The following UGT1A9 variants were observed in gnomAD, a reference collection of about 807,000 sequenced individuals.
UGT1A9 encodes UDP glucuronosyltransferase family 1 member A9, also known as UDP-glucuronosyltransferase 1A9.
UGT1A9 carries 35 observed loss-of-function variants against 45.0 expected under a neutral mutation model. The observed-to-expected ratio is 0.78, with a 90% CI of 0.59 to 1.03. UGT1A9 has a LOEUF of 1.03. UGT1A9 is among the 50% of genes least tolerant of loss of function. The pLI, the probability that UGT1A9 is intolerant of heterozygous loss-of-function variation, is 0.00. For synonymous variants in UGT1A9, 278 were observed against 250.6 expected, an observed-to-expected ratio of 1.11 and a Z score of -1.03; for missense variants, 687 against 666.6, an observed-to-expected ratio of 1.03 and a Z score of -0.34.
chr2:233,741,958 T>C (rs4663965), intron 1 of UGT1A9: 83,397 of 151,744 alleles, frequency 0.55, 25,208 homozygotes, highest in African/African-American at 0.8. Flanking sequence ...GGTACTTTCT[T>C]GTTGTGTTTA....
intron 1 of UGT1A9, among the ~76,000 whole-genome samples, chr2:233,707,717 A>G (rs1575486926): frequency 6.6e-6 from 1 of 152,192 alleles, no homozygotes; most frequent in Non-Finnish European, 1.5e-5. Context: ...ACTACTGTGA[A>G]CAATGTTACA....
rs977072941 is a variant in UGT1A9, at chr2:233,679,319, A to T, written c.855+6530A>T. 3.9e-5 allele frequency among the ~76,000 whole-genome samples: 6 copies of T among 152,242 alleles called. No homozygotes were observed. The East Asian group carries it at 1.2e-3, about 29-fold the overall frequency. On this transcript the variant is annotated intron_variant, in intron 1 of 4. Coordinates refer to ENST00000354728, the MANE Select transcript of UGT1A9 (RefSeq NM_021027.3). Reference sequence around the variant, plus strand: ...AAGCCTTGATGGAACCAATCCAGAAAACGCGTTCTTATTGTTGAGTCCTTC... The same window carrying T: ...AAGCCTTGATGGAACCAATCCAGAATACGCGTTCTTATTGTTGAGTCCTTC...
intron 1 of UGT1A9, chr2:233,754,508 T>C (rs1695500116): frequency 2.8e-6 from 1 of 361,410 alleles, no homozygotes; most frequent in East Asian, 7.3e-5. Flanking sequence ...CCGCTATTCC[T>C]CCAGATGTGC....
At chr2:233,698,746 T>C (rs1160364349) in intron 1 of UGT1A9, among the ~76,000 whole-genome samples, 1 of 152,368 alleles carries the variant, frequency 6.6e-6, no homozygotes, top group Non-Finnish European at 1.5e-5. Context: ...ATTTTTTACA[T>C]AATGCTATGA....
At chr2:233,698,293 T>A (rs1294389831) in intron 1 of UGT1A9, among the ~76,000 whole-genome samples, 2 of 152,252 alleles carry the variant, frequency 1.3e-5, no homozygotes, top group Non-Finnish European at 2.9e-5. Context: ...AAAAAAAATG[T>A]GTCTTTGGAC....
At chr2:233,747,507 C>G in intron 1 of UGT1A9, 1 of 1,608,136 alleles carries the variant, frequency 6.2e-7, no homozygotes. Flanking sequence ...CCACACTCAA[C>G]TGTACTTTGA....
At chr2:233,766,684 A>G (rs935932983) in intron 1 of UGT1A9, among the ~76,000 whole-genome samples, 1 of 152,094 alleles carries the variant, frequency 6.6e-6, no homozygotes, top group Non-Finnish European at 1.5e-5. Flanking sequence ...TCCCTTCTGT[A>G]TCACTGATGC....
intron 1 of UGT1A9, chr2:233,713,305 A>T: frequency 3.1e-6 from 5 of 1,614,274 alleles, no homozygotes; most frequent in Non-Finnish European, 4.2e-6. Flanking sequence ...GAAACAGAAC[A>T]TCTTCTGATG....
chr2:233,682,125 G>A, intron 1 of UGT1A9: 1 of 1,614,208 alleles, frequency 6.2e-7, no homozygotes, highest in East Asian at 2.2e-5. Context: ...CCAGAGGTGA[G>A]TTGGCAACTG....
chr2:233,715,132 C>A (rs2076434193), intron 1 of UGT1A9, among the ~76,000 whole-genome samples: 1 of 152,136 alleles, frequency 6.6e-6, no homozygotes, highest in Non-Finnish European at 1.5e-5. Flanking sequence ...GTGATTCACT[C>A]ACCTCAGCCT....
At chr2:233,766,909 C>G in intron 1 of UGT1A9, 125 bp from the exon 2 acceptor site, 2 of 1,513,870 alleles carry the variant, frequency 1.3e-6, no homozygotes, top group South Asian at 1.3e-5. Flanking sequence ...ATTTTTTACT[C>G]TATCTCAAAC....
At chr2:233,747,722 G>GT (rs574078556) in intron 1 of UGT1A9, 82 of 1,612,726 alleles carry the variant, frequency 5.1e-5, no homozygotes, top group Admixed American at 1.2e-4. Flanking sequence ...TTCCTGCTGT[G>GT]TTTTTTTTGA....
chr2:233,724,346 CCCA>C (rs2077232466), intron 1 of UGT1A9, among the ~76,000 whole-genome samples: 1 of 148,186 alleles, frequency 6.7e-6, no homozygotes, highest in Non-Finnish European at 1.5e-5. Context: ...GCTGACCCCC[CCCA>C]CCTCCCTCCC....
At chr2:233,744,039 G>C (rs1692664122) in intron 1 of UGT1A9, 1 of 770,658 alleles carries the variant, frequency 1.3e-6, no homozygotes, top group Non-Finnish European at 1.8e-6. Flanking sequence ...TTATGACGCA[G>C]CCACATCTCA....
intron 1 of UGT1A9, among the ~76,000 whole-genome samples, chr2:233,761,829 G>C (rs1171169931): frequency 6.6e-6 from 1 of 152,178 alleles, no homozygotes; most frequent in Non-Finnish European, 1.5e-5. Context: ...CCTTCAGATG[G>C]AGCGTTAGGG....
chr2:233,753,256 C>T (rs1695165978), intron 1 of UGT1A9: 1 of 152,214 alleles, frequency 6.6e-6, no homozygotes, highest in African/African-American at 2.4e-5. Flanking sequence ...AGCAACTACC[C>T]AGGCACCTTG....
At chr2:233,730,562 ACACGAAGTT>A (rs963460994) in intron 1 of UGT1A9, among the ~76,000 whole-genome samples, 4 of 152,160 alleles carry the variant, frequency 2.6e-5, no homozygotes, top group Admixed American at 6.5e-5. Context: ...AGAGAATGAC[ACACGAAGTT>A]CAGTTTCCAG....
chr2:233,681,229 A>G (rs1331395758), intron 1 of UGT1A9, among the ~76,000 whole-genome samples: 1 of 151,962 alleles, frequency 6.6e-6, no homozygotes, highest in African/African-American at 2.4e-5. Context: ...CAGAGGACAA[A>G]ATAAAAATTG....
rs201242485 is a variant in UGT1A9, at chr2:233,672,554, T to A, written c.620T>A (p.Val207Glu). 8.7e-5 allele frequency: 140 copies of A among 1,613,744 alleles called. No individual in the cohort carries two copies. The highest frequency in any genetic ancestry group is 8.5e-7 in the Non-Finnish European group (1 of 1,179,868). ...GATGCCATGACTTTCAAGGAGAGAG[T>A]ACGGAACCACATCATGCACTTGGAG... ...FSDAMTFKERVRNHIMHLEEH... is the reference protein window; with the variant it reads ...FSDAMTFKERERNHIMHLEEH... Residue 207 changes from valine (V) to glutamate (E), a missense_variant, in exon 1 of 5, where the codon GTA becomes GAA. Transcript: ENST00000354728.
Sources: gnomAD v4.1 joint callset for allele counts (sites outside exome capture counted in the v4.1 genomes callset) on GRCh38, gnomAD v4.1.1 for gene constraint, MANE v1.5 for transcripts, NCBI Gene and HGNC (gene_info 2026-07-23, HGNC 2026-07-21) for gene names.